Variants in MOB3B observed in about 807,000 individuals in gnomAD.
The protein encoded by MOB3B is MOB kinase activator-like 2B.
A neutral mutation model predicts 18.7 loss-of-function variants in MOB3B; 7 were observed. That is an observed-to-expected ratio of 0.37 (90% CI 0.21 to 0.70). MOB3B has a LOEUF of 0.70. Ranked by LOEUF, MOB3B falls within the 30% of genes least tolerant of loss-of-function variation. The probability of loss-of-function intolerance (pLI) is 0.52; values close to 1 mark genes in which losing one functional copy is unlikely to be tolerated. For missense variants in MOB3B, 253 were observed against 281.3 expected, an observed-to-expected ratio of 0.90 and a Z score of 0.72; for synonymous variants, 111 against 99.9, an observed-to-expected ratio of 1.11 and a Z score of -0.66.
intron 1 of MOB3B, among the ~76,000 whole-genome samples, chr9:27,521,991 C>G (rs1820339236): frequency 6.6e-6 from 1 of 151,716 alleles, no homozygotes; most frequent in Admixed American, 6.6e-5. Flanking sequence ...GCCTGTAATC[C>G]CAGCACTTTG....
chr9:27,525,226 C>T (rs960943614), intron 1 of MOB3B, among the ~76,000 whole-genome samples: 3 of 152,196 alleles, frequency 2.0e-5, no homozygotes, highest in Admixed American at 1.3e-4. Context: ...CTCTCTTGCT[C>T]TTTTCTGTGG....
At chr9:27,451,944 C>A (rs1252578365) in intron 2 of MOB3B, among the ~76,000 whole-genome samples, 2 of 152,056 alleles carry the variant, frequency 1.3e-5, no homozygotes, top group African/African-American at 4.8e-5. Context: ...CAACTGAGGG[C>A]AAATCACAGA....
intron 1 of MOB3B, among the ~76,000 whole-genome samples, chr9:27,460,040 G>A (rs529972792): frequency 5.3e-5 from 8 of 152,300 alleles, no homozygotes; most frequent in African/African-American, 1.9e-4. Context: ...CTTTTTATGT[G>A]TCAGACACAG....
chr9:27,476,804 G>A (rs184738375), intron 1 of MOB3B, among the ~76,000 whole-genome samples: 1 of 152,300 alleles, frequency 6.6e-6, no homozygotes, highest in East Asian at 1.9e-4. Context: ...CTCTGCATTT[G>A]TGCTGAAGCC....
At chr9:27,333,749 A>C (rs10118742) in intron 3 of MOB3B, among the ~76,000 whole-genome samples, 6,358 of 152,252 alleles carry the variant, frequency 0.042, 332 homozygotes, top group African/African-American at 0.12. Flanking sequence ...ATTTGTTTTA[A>C]AATAAAGCAG....
chr9:27,430,006 C>T (rs1201081571), intron 2 of MOB3B, among the ~76,000 whole-genome samples: 1 of 152,174 alleles, frequency 6.6e-6, no homozygotes, highest in Non-Finnish European at 1.5e-5. Context: ...GCCCTTTGCT[C>T]CAACAGAGTT....
chr9:27,347,392 C>G (rs1172372348), intron 3 of MOB3B, among the ~76,000 whole-genome samples: 1 of 152,248 alleles, frequency 6.6e-6, no homozygotes, highest in African/African-American at 2.4e-5. Context: ...AGGACCAAGC[C>G]TGGCCTATCA....
In MOB3B at chr9:27,347,925, T is replaced by C. The variant is rs539574315; in HGVS notation, c.621+11109A>G. On this transcript the variant is annotated intron_variant, in intron 3 of 3. Coordinates refer to ENST00000262244, the MANE Select transcript of MOB3B (RefSeq NM_024761.5). ...TCTATTTTTATGTAAGTATACTCTA[T>C]GATCTTCACATTATGGCAAAGTTGC... Among the ~76,000 whole-genome samples the C allele has an allele frequency of 5.3e-5, 8 of 152,366 alleles. No individual in the cohort carries two copies. In the South Asian group the frequency reaches 1.4e-3, roughly 28 times the overall value.
intron 1 of MOB3B, among the ~76,000 whole-genome samples, chr9:27,509,816 C>T (rs928592177): frequency 2.0e-5 from 3 of 152,142 alleles, no homozygotes; most frequent in Non-Finnish European, 2.9e-5. Flanking sequence ...CCTCCACCTC[C>T]TGGGTTCAAG....
chr9:27,420,548 C>T lies in MOB3B; in HGVS notation c.418+34585G>A, dbSNP rs1305087846. ...ATCTATATATTCCATCTGTATATTC[C>T]ATATATATATATATATATATATATA... On this transcript the variant is annotated intron_variant, in intron 2 of 3. Coordinates refer to ENST00000262244, the MANE Select transcript of MOB3B (RefSeq NM_024761.5). Among the ~76,000 whole-genome samples, 113 of 31,074 alleles carry T rather than the reference C, an allele frequency of 3.6e-3. 1 individual carries two copies. Among genetic ancestry groups the T allele is most frequent in the Non-Finnish European group, 5.2e-3 (98 of 18,690 alleles). 20.4% of individuals were successfully genotyped at this position (31,074 alleles called of 152,430 possible).
intron 1 of MOB3B, among the ~76,000 whole-genome samples, chr9:27,476,729 T>C (rs1477754226): frequency 1.3e-5 from 2 of 152,206 alleles, no homozygotes; most frequent in Non-Finnish European, 2.9e-5. Flanking sequence ...CTATGCCTTG[T>C]AGACATCCAA....
At chr9:27,469,688 G>C (rs993234705) in intron 1 of MOB3B, among the ~76,000 whole-genome samples, 2 of 152,216 alleles carry the variant, frequency 1.3e-5, no homozygotes, top group Non-Finnish European at 2.9e-5. Context: ...ACCTGGGGCT[G>C]AAAACAAAGC....
At chr9:27,347,499 C>A (rs1821044740) in intron 3 of MOB3B, among the ~76,000 whole-genome samples, 1 of 152,254 alleles carries the variant, frequency 6.6e-6, no homozygotes, top group Non-Finnish European at 1.5e-5. Flanking sequence ...AGGTGCCAGG[C>A]TTCTGAAGTG....
At position 27,411,702 on chromosome 9, in the gene MOB3B, C is replaced by G. The variant is rs551219349; in HGVS notation, c.418+43431G>C. Among the ~76,000 whole-genome samples the G allele has an allele frequency of 3.3e-5, 5 of 152,200 alleles. No homozygotes were observed. In the East Asian group the frequency reaches 7.7e-4, roughly 24 times the overall value. On this transcript the variant is annotated intron_variant, in intron 2 of 3. Coordinates refer to ENST00000262244, the MANE Select transcript of MOB3B (RefSeq NM_024761.5). Reference sequence around the variant, plus strand: ...AAATGGGAGAGATGAACAGGTGGAGCAGAGGGGATTTTTAGGGCAGTGAAA... The same window carrying G: ...AAATGGGAGAGATGAACAGGTGGAGGAGAGGGGATTTTTAGGGCAGTGAAA...
At chr9:27,459,148 G>C (rs1396374588) in intron 1 of MOB3B, among the ~76,000 whole-genome samples, 1 of 152,126 alleles carries the variant, frequency 6.6e-6, no homozygotes, top group Admixed American at 6.5e-5. Context: ...GCAGGTACCT[G>C]AGAGTTTTGA....
At chr9:27,350,227 G>C (rs1821085320) in intron 3 of MOB3B, among the ~76,000 whole-genome samples, 1 of 123,848 alleles carries the variant, frequency 8.1e-6, no homozygotes, top group African/African-American at 3.1e-5. Context: ...GCCCCAAAAA[G>C]TATATACCAA....
At chr9:27,520,752 G>A (rs1483555403) in intron 1 of MOB3B, among the ~76,000 whole-genome samples, 4 of 135,604 alleles carry the variant, frequency 2.9e-5, no homozygotes, top group Non-Finnish European at 6.3e-5. Flanking sequence ...GGAGGAGGAA[G>A]AGTAGCAGAG....
At chr9:27,508,051 A>T (rs1250005165) in intron 1 of MOB3B, among the ~76,000 whole-genome samples, 2 of 152,200 alleles carry the variant, frequency 1.3e-5, no homozygotes, top group Admixed American at 1.3e-4. Flanking sequence ...CCAATAGTGA[A>T]TTGCTAAATT....
intron 2 of MOB3B, among the ~76,000 whole-genome samples, chr9:27,383,896 G>T (rs1476375086): frequency 6.6e-6 from 1 of 152,054 alleles, no homozygotes; most frequent in Non-Finnish European, 1.5e-5. Context: ...GTTTGCTCTG[G>T]ATATAGCAAG....
Sources: allele counts gnomAD v4.1 joint callset (sites outside exome capture counted in the v4.1 genomes callset), GRCh38; gene constraint gnomAD v4.1.1; transcripts MANE v1.5; gene names NCBI Gene and HGNC (gene_info 2026-07-23, HGNC 2026-07-21).